The following SLIT1 variants were observed in gnomAD, a reference collection of about 807,000 sequenced individuals.
SLIT1 encodes the protein slit homolog 1 protein.
In SLIT1, 66 loss-of-function variants were observed where a neutral mutation model predicts 186.1. The ratio of observed to expected loss-of-function variants is 0.35; its 90% CI spans 0.29 to 0.44. The LOEUF (loss-of-function observed/expected upper bound fraction) is 0.44. SLIT1 is among the 20% of genes least tolerant of loss of function. SLIT1 has a pLI of 1.00. For missense variants in SLIT1, 1,638 were observed against 2,037.4 expected, an observed-to-expected ratio of 0.80 and a Z score of 3.77; for synonymous variants, 761 against 833.8, an observed-to-expected ratio of 0.91 and a Z score of 1.50.
At chr10:97,053,261 A>C (rs548956106) in intron 13 of SLIT1, among the ~76,000 whole-genome samples, 1 of 152,112 alleles carries the variant, frequency 6.6e-6, no homozygotes. Flanking sequence ...TCTCCTTAGC[A>C]TGTTTCTCTC....
chr10:97,084,064 G>A (rs1173839405), intron 4 of SLIT1, among the ~76,000 whole-genome samples: 8 of 152,300 alleles, frequency 5.3e-5, no homozygotes, highest in African/African-American at 9.6e-5. Flanking sequence ...TGAACATAGA[G>A]GGCAACTACA....
At chr10:97,066,764 C>T (rs1012120546) in intron 4 of SLIT1, among the ~76,000 whole-genome samples, 3 of 152,182 alleles carry the variant, frequency 2.0e-5, no homozygotes, top group African/African-American at 7.2e-5. Context: ...TACCCAGTCT[C>T]GGCACTTCTT....
chr10:97,173,203 T>C (rs981810236), intron 1 of SLIT1, among the ~76,000 whole-genome samples: 1 of 152,148 alleles, frequency 6.6e-6, no homozygotes, highest in Non-Finnish European at 1.5e-5. Context: ...TGGGTTGTCT[T>C]CCTCCTGCTC....
At chr10:97,095,108 C>T (rs1849273437) in intron 4 of SLIT1, among the ~76,000 whole-genome samples, 1 of 152,098 alleles carries the variant, frequency 6.6e-6, no homozygotes, top group African/African-American at 2.4e-5. Context: ...CATAGTGAAA[C>T]CCCGTCTCTA....
In SLIT1 at chr10:97,001,287, C is replaced by A. The variant is rs2134583438; in HGVS notation, c.4430G>T (p.Cys1477Phe). The A allele has an allele frequency of 6.2e-7, 1 of 1,613,306 alleles. No individual in the cohort carries two copies. The highest frequency in any genetic ancestry group is 8.5e-7 in the Non-Finnish European group (1 of 1,180,036). The change falls in exon 37 of 37, where the codon TGC becomes TTC. Residue 1477 changes from cysteine to phenylalanine, a missense_variant. Cys to Phe is a radical substitution (Grantham distance 205, BLOSUM62 -2). Around this residue, in one of 3 missense-constraint regions of SLIT1, gnomAD observed 220 missense variants for 211.3 expected, o/e 1.04. Transcript: ENST00000266058. ...CCATGACAGGGGGCGCGTGGTCTGG[C>A]AGATGGCATAGCCCCTCTGGACCTG... is the stretch of plus-strand genomic sequence containing the variant. The part of the protein sequence containing the change: ...FHQVQRGYAI[C>F]QTTRPLSWVE...
chr10:97,108,200 CCTT>C (rs1190297665), intron 4 of SLIT1, among the ~76,000 whole-genome samples: 4 of 152,184 alleles, frequency 2.6e-5, no homozygotes, highest in African/African-American at 9.7e-5. Flanking sequence ...TCTGTGAGGA[CCTT>C]CTGGAAGGTG....
In SLIT1 at chr10:97,135,276, T is replaced by TTAACATTTAACATTAA. The variant is rs1487387872; in HGVS notation, c.413+22541_413+22542insTTAATGTTAAATGTTA. Among the ~76,000 whole-genome samples the TTAACATTTAACATTAA allele has an allele frequency of 1.2e-4, 19 of 152,218 alleles. No homozygotes were observed. In the South Asian group the frequency reaches 3.7e-3, roughly 30 times the overall value. On this transcript the variant is annotated intron_variant, in intron 4 of 36. Coordinates refer to ENST00000266058, the MANE Select transcript of SLIT1 (RefSeq NM_003061.3). ...TGCGTCTTCATCTGTCCATAACAGTTCGGCCATTTAACATGGTTCTAAAAT... is the reference window on the plus strand; with the variant it reads ...TGCGTCTTCATCTGTCCATAACAGTTTAACATTTAACATTAACGGCCATTTAACATGGTTCTAAAAT...
chr10:97,173,402 A>G (rs1307720226), intron 1 of SLIT1, among the ~76,000 whole-genome samples: 2 of 152,068 alleles, frequency 1.3e-5, no homozygotes, highest in Admixed American at 1.3e-4. Context: ...GTTGAGTGGC[A>G]GAGCTGGGAA....
chr10:97,042,863 G>A (rs894896835), intron 20 of SLIT1, 38 bp downstream of exon 20: 1 of 1,602,366 alleles, frequency 6.2e-7, no homozygotes, highest in Non-Finnish European at 8.5e-7. Context: ...TTGGACCCAG[G>A]GCGCCCTCTC....
intron 4 of SLIT1, among the ~76,000 whole-genome samples, chr10:97,138,858 T>C (rs1849730159): frequency 6.6e-6 from 1 of 152,226 alleles, no homozygotes; most frequent in South Asian, 2.1e-4. Context: ...TGTTTTTTCA[T>C]TTCATGGATG....
chr10:97,045,858 G>C, intron 18 of SLIT1, among the ~76,000 whole-genome samples: 1 of 152,202 alleles, frequency 6.6e-6, no homozygotes, highest in Non-Finnish European at 1.5e-5. Context: ...TTATACCTGG[G>C]CAAGTGGCTT....
intron 4 of SLIT1, among the ~76,000 whole-genome samples, chr10:97,112,862 G>C (rs1008008423): frequency 1.3e-5 from 2 of 151,936 alleles, no homozygotes; most frequent in African/African-American, 4.8e-5. Context: ...CCCAGCTAAA[G>C]TTTGTATTTT....
chr10:97,011,271 G>A (rs2134592035), intron 30 of SLIT1, 141 bp from the exon 31 acceptor site: 1 of 650,136 alleles, frequency 1.5e-6, no homozygotes, highest in East Asian at 2.7e-5. Context: ...GGGATCTCCA[G>A]GAGGTCACAC....
intron 24 of SLIT1, 104 bp from the exon 25 acceptor site, chr10:97,030,932 T>C (rs1848584932): frequency 8.5e-6 from 8 of 936,384 alleles, no homozygotes; most frequent in Non-Finnish European, 1.4e-5. Flanking sequence ...GGCCGTGCCT[T>C]CCCTCTAGGC....
At chr10:97,094,621 G>A (rs1290437473) in intron 4 of SLIT1, among the ~76,000 whole-genome samples, 3 of 152,210 alleles carry the variant, frequency 2.0e-5, no homozygotes, top group African/African-American at 4.8e-5. Flanking sequence ...GTATTCATAA[G>A]AGGAATGCAG....
rs1025573396 is a variant in SLIT1, at chr10:97,022,895, C to T, written c.2583-1482G>A. On this transcript the variant is annotated intron_variant, in intron 25 of 36. Transcript: ENST00000266058. This position sits in a 1 kb window ranked among gnomAD's most constrained non-coding sequence, Gnocchi z 4.2. ...GCTTGCTCCTTGTCACTAAACAGCA[C>T]GTCTTGGGAATCTTCCTGGTCAGCA... is the stretch of plus-strand genomic sequence containing the variant. Among the ~76,000 whole-genome samples, 3 of 152,180 alleles carry T rather than the reference C, an allele frequency of 2.0e-5. No homozygotes were observed. The highest frequency in any genetic ancestry group is 4.8e-5 in the African/African-American group (2 of 41,446).
intron 1 of SLIT1, among the ~76,000 whole-genome samples, chr10:97,176,901 G>T (rs1850263790): frequency 6.6e-6 from 1 of 152,144 alleles, no homozygotes; most frequent in African/African-American, 2.4e-5. Flanking sequence ...CCTTCCTCCT[G>T]CCCTCTAATG....
In SLIT1 at chr10:97,043,041, C is replaced by T; in HGVS notation, c.2024G>A (p.Cys675Tyr). The change falls in exon 20 of 37, where the codon TGC becomes TAC. Residue 675 changes from cysteine to tyrosine, a missense_variant. This residue lies in a region of SLIT1 where 1,245 missense variants were observed against 1,535.3 expected (regional missense o/e 0.81). Coordinates refer to ENST00000266058, the MANE Select transcript of SLIT1 (RefSeq NM_003061.3). This position sits in a 1 kb window ranked among gnomAD's most constrained non-coding sequence, Gnocchi z 7.0. ...TCCTAGCCAGGCCAGCTGGCAGTTG[C>T]AGTTGAAAGGGTTGGCCAGGAGATT... ...TLNLLANPFN[C>Y]NCQLAWLGGW... 6.2e-7 allele frequency: 1 copy of T among 1,614,138 alleles called. No homozygotes were observed. The highest frequency in any genetic ancestry group is 8.5e-7 in the Non-Finnish European group (1 of 1,179,976).
At chr10:97,096,723 A>G (rs1849295002) in intron 4 of SLIT1, among the ~76,000 whole-genome samples, 2 of 151,814 alleles carry the variant, frequency 1.3e-5, no homozygotes, top group African/African-American at 4.8e-5. Flanking sequence ...CCCCCAGCAA[A>G]CCCAGAAAAA....
Sources: gnomAD v4.1 joint callset for allele counts (sites outside exome capture counted in the v4.1 genomes callset) on GRCh38, gnomAD v4.1.1 for gene constraint, gnomAD v4.1.1 regional missense constraint, Gnocchi (gnomAD v3.1) non-coding constraint, MANE v1.5 for transcripts, NCBI Gene and HGNC (gene_info 2026-07-23, HGNC 2026-07-21) for gene names.